The following ITSN1 variants were observed in gnomAD, a reference collection of about 807,000 sequenced individuals.
ITSN1 encodes the protein intersectin 1.
In ITSN1, 58 loss-of-function variants were observed where a neutral mutation model predicts 239.8. The ratio of observed to expected loss-of-function variants is 0.24; its 90% CI spans 0.20 to 0.30. The LOEUF is 0.30. Ranked by LOEUF, ITSN1 falls within the 10% of genes least tolerant of loss-of-function variation. The pLI is 1.00. For synonymous variants in ITSN1, 780 were observed against 770.8 expected (o/e 1.01, Z -0.20); for missense variants, 1,558 against 2,103.3 (o/e 0.74, Z 5.07).
At chr21:33,879,757 G>A (rs1984593677) in intron 34 of ITSN1, among the ~76,000 whole-genome samples, 1 of 152,056 alleles carries the variant, frequency 6.6e-6, no homozygotes, top group Non-Finnish European at 1.5e-5. Context: ...TCGGCTCACT[G>A]CAACCTCCAC....
chr21:33,670,321 C>T (rs2090187838), intron 1 of ITSN1, among the ~76,000 whole-genome samples: 1 of 152,112 alleles, frequency 6.6e-6, no homozygotes, highest in Non-Finnish European at 1.5e-5. Flanking sequence ...TGTCATGACA[C>T]TCTAGCCTGG....
At chr21:33,681,292 G>A (rs542813800) in intron 1 of ITSN1, among the ~76,000 whole-genome samples, 3 of 152,342 alleles carry the variant, frequency 2.0e-5, no homozygotes, top group Admixed American at 2.0e-4. Flanking sequence ...TCTGCAGCCT[G>A]TAGCCTATGG....
At position 33,815,195 on chromosome 21, in the gene ITSN1, A is replaced by G. The variant is rs557671393; in HGVS notation, c.2727+1123A>G. On this transcript the variant is annotated intron_variant, in intron 22 of 39. Coordinates refer to ENST00000381318, the MANE Select transcript of ITSN1 (RefSeq NM_003024.3). ...CCATTCCCATAGAGAACATTATCGG[A>G]TATCAGGAAATGTGTGAGGTCATCC... Among the ~76,000 whole-genome samples the G allele has an allele frequency of 4.1e-4, 62 of 152,252 alleles. No individual in the cohort carries two copies. The Middle Eastern group carries it at 0.01, about 25-fold the overall frequency.
chr21:33,852,051 G>C (rs2148464720), intron 29 of ITSN1, among the ~76,000 whole-genome samples: 1 of 152,134 alleles, frequency 6.6e-6, no homozygotes, highest in South Asian at 2.1e-4. Flanking sequence ...GCCTTCCAAA[G>C]TACTGGGATT....
In ITSN1 at chr21:33,893,553, G is replaced by C. The variant is rs1010252903; in HGVS notation, c.*5253G>C. The C allele has an allele frequency of 6.6e-6, 1 of 152,400 alleles. No homozygotes were observed. Among genetic ancestry groups the C allele is most frequent in the Admixed American group, 6.5e-5 (1 of 15,276 alleles). 9.4% of individuals were successfully genotyped at this position (152,400 alleles called of 1,614,324 possible). Reference sequence around the variant, plus strand: ...TGCAGTGAGCCGAGATCACGCCACTGCACTCCAGCCTGGGTAACAGAGCGA... The same window carrying C: ...TGCAGTGAGCCGAGATCACGCCACTCCACTCCAGCCTGGGTAACAGAGCGA... On this transcript the variant is annotated 3_prime_UTR_variant, in exon 40 of 40. Transcript: ENST00000381318.
At chr21:33,836,163 G>A (rs73199897) in intron 28 of ITSN1, among the ~76,000 whole-genome samples, 9,274 of 152,238 alleles carry the variant, frequency 0.061, 411 homozygotes, top group Non-Finnish European at 0.078. Flanking sequence ...GAAAGCCCTC[G>A]ATTAGCACTG....
chr21:33,867,958 T>TCCCTCA (rs1981938898), intron 33 of ITSN1, among the ~76,000 whole-genome samples: 1 of 152,112 alleles, frequency 6.6e-6, no homozygotes, highest in South Asian at 2.1e-4. Context: ...AGCTGCAGAC[T>TCCCTCA]TTCGCGGTGT....
intron 4 of ITSN1, among the ~76,000 whole-genome samples, chr21:33,728,712 C>T (rs1302399506): frequency 6.6e-6 from 1 of 152,118 alleles, no homozygotes; most frequent in African/African-American, 2.4e-5. Context: ...AAAGTGGTCC[C>T]CTCTGCCCAC....
chr21:33,692,731 G>C (rs2091603441), intron 1 of ITSN1, among the ~76,000 whole-genome samples: 1 of 151,826 alleles, frequency 6.6e-6, no homozygotes, highest in Non-Finnish European at 1.5e-5. Context: ...GATTTCAGAT[G>C]TTTGAACATA....
chr21:33,810,773 A>C lies in ITSN1; in HGVS notation c.2320-202A>C, dbSNP rs191177957. 6.9e-6 allele frequency: 5 copies of C among 729,470 alleles called. No individual in the cohort carries two copies. In the East Asian group the frequency reaches 1.0e-4, roughly 15 times the overall value. 45.2% of individuals were successfully genotyped at this position (729,470 alleles called of 1,614,324 possible). On this transcript the variant is annotated intron_variant, in intron 20 of 39. Coordinates refer to ENST00000381318, the MANE Select transcript of ITSN1 (RefSeq NM_003024.3). ...AAGGCTTTTTTAAAAAGTGCAGAGA[A>C]TAAGAGCTTGAATTATAGTGCATTT...
chr21:33,843,999 G>A (rs2074909651), intron 29 of ITSN1, among the ~76,000 whole-genome samples: 1 of 152,216 alleles, frequency 6.6e-6, no homozygotes, highest in African/African-American at 2.4e-5. Flanking sequence ...ACAGCAGGTA[G>A]GTTGTGTGCA....
chr21:33,895,452 C>T lies in ITSN1; in HGVS notation c.*7152C>T, dbSNP rs8134397. On this transcript the variant is annotated 3_prime_UTR_variant, in exon 40 of 40. Transcript: ENST00000381318. ...GTGCGTGTGCATGTATGTGTTTGTG[C>T]GTGCACGTGTGCGTGTGTGTGCATG... is the stretch of plus-strand genomic sequence containing the variant. 0.67 allele frequency: 101,617 copies of T among 150,578 alleles called. 34,284 individuals are homozygous for T. Among genetic ancestry groups the T allele is most frequent in the East Asian group, 0.72 (3,643 of 5,086 alleles). The allele number at this position is 150,578 out of a possible 1,614,324, so 9.3% of individuals were successfully genotyped here.
chr21:33,868,441 T>A (rs1982092746), intron 33 of ITSN1, among the ~76,000 whole-genome samples: 1 of 152,206 alleles, frequency 6.6e-6, no homozygotes, highest in Admixed American at 6.5e-5. Flanking sequence ...CATGGCGGGC[T>A]GCAGTCCCGA....
In ITSN1 at chr21:33,792,042, A is replaced by G. The variant is rs550417722; in HGVS notation, c.1825-2299A>G. Among the ~76,000 whole-genome samples, 4 of 152,198 alleles carry G rather than the reference A, an allele frequency of 2.6e-5. No homozygotes were observed. In the East Asian group the frequency reaches 7.7e-4, roughly 29 times the overall value. On this transcript the variant is annotated intron_variant, in intron 16 of 39. Coordinates refer to ENST00000381318, the MANE Select transcript of ITSN1 (RefSeq NM_003024.3). ...AAAACAGATACTGAAATAAATAAAT[A>G]CTTTATTTGTTTGTTAGACATTGTG...
Position 33,887,937 on chromosome 21 carries a change from G to A in ITSN1, c.5018-215G>A, listed in dbSNP as rs560828637. Among the ~76,000 whole-genome samples the A allele has an allele frequency of 7.6e-5, 10 of 131,236 alleles. No individual in the cohort carries two copies. The East Asian group carries it at 2.6e-3, about 34-fold the overall frequency. 86.1% of individuals were successfully genotyped at this position (131,236 alleles called of 152,430 possible). A position where few individuals can be genotyped will look rare whatever the true frequency, so the allele number is the denominator to read the frequency against. On this transcript the variant is annotated intron_variant, in intron 39 of 39. Transcript: ENST00000381318. ...TCTAATTCTGAGAGATAAAGGTTGG[G>A]GTTGGGTTTTTTTTTTTATTTAAGT...
At chr21:33,779,352 A>C (rs369209954) in intron 14 of ITSN1, among the ~76,000 whole-genome samples, 1 of 152,182 alleles carries the variant, frequency 6.6e-6, no homozygotes, top group African/African-American at 2.4e-5. Flanking sequence ...CATATCCCAC[A>C]AATTTTTAAT....
chr21:33,722,692 G>A, intron 4 of ITSN1, 41 bp downstream of exon 4: 2 of 1,517,322 alleles, frequency 1.3e-6, no homozygotes, highest in South Asian at 1.3e-5. Flanking sequence ...TAAGCATAAG[G>A]CAAAATAAAA....
chr21:33,806,565 A>G (rs1267371226), intron 20 of ITSN1, among the ~76,000 whole-genome samples: 1 of 152,260 alleles, frequency 6.6e-6, no homozygotes, highest in Admixed American at 6.5e-5. Context: ...GCTGCTGTGT[A>G]TATTTGACTG....
At chr21:33,850,178 G>C (rs1273282506) in intron 29 of ITSN1, among the ~76,000 whole-genome samples, 1 of 152,194 alleles carries the variant, frequency 6.6e-6, no homozygotes, top group Non-Finnish European at 1.5e-5. Context: ...TAAACTGCCT[G>C]GCAACCCCTG....
Sources: gnomAD v4.1 joint callset for allele counts (sites outside exome capture counted in the v4.1 genomes callset) on GRCh38, gnomAD v4.1.1 for gene constraint, MANE v1.5 for transcripts, NCBI Gene and HGNC (gene_info 2026-07-23, HGNC 2026-07-21) for gene names.